CPXM2: variants seen among roughly 807,000 people sequenced by gnomAD.
The protein encoded by CPXM2 is carboxypeptidase X, M14 family member 2, also known as inactive carboxypeptidase-like protein X2.
CPXM2 carries 66 observed loss-of-function variants against 86.1 expected under a neutral mutation model. That is an observed-to-expected ratio of 0.77 (90% CI 0.63 to 0.94). CPXM2 has a LOEUF of 0.94. CPXM2 is among the 40% of genes least tolerant of loss of function. CPXM2 has a pLI of 0.00. For synonymous variants in CPXM2, 388 were observed against 400.2 expected (o/e 0.97, Z 0.36); for missense variants, 948 against 1,026.3 (o/e 0.92, Z 1.04).
At chr10:123,905,552 G>C (rs1197378055) in intron 2 of CPXM2, among the ~76,000 whole-genome samples, 2 of 152,180 alleles carry the variant, frequency 1.3e-5, no homozygotes, top group Non-Finnish European at 2.9e-5. Flanking sequence ...GTCCAGGGCA[G>C]AGGATGCCAA....
intron 6 of CPXM2, among the ~76,000 whole-genome samples, chr10:123,789,972 GCCAGGTGCTGTGGTGAGCACCTGTAGCC>G (rs1590001588): frequency 6.6e-6 from 1 of 152,132 alleles, no homozygotes; most frequent in Non-Finnish European, 1.5e-5. Context: ...CAAAAAATTA[GCCAGGTGCTGTGGTGAGCACCTGTAGCC>G]CCAGCTACTC....
chr10:123,835,981 G>A (rs74162952), intron 4 of CPXM2, among the ~76,000 whole-genome samples: 1,919 of 152,208 alleles, frequency 0.013, 35 homozygotes, highest in African/African-American at 0.044. Flanking sequence ...GCTCCCCGAC[G>A]CCCTGGACCA....
In CPXM2 at chr10:123,871,531, C is replaced by T. The variant is rs548860457; in HGVS notation, c.403+8680G>A. ...TCAGAAATTTTTCCACATCTATGTA[C>T]CACCTGCACTATTATTTCCTTAATG... On this transcript the variant is annotated intron_variant, in intron 2 of 13. Transcript: ENST00000241305. Among the ~76,000 whole-genome samples, 4 of 152,302 alleles carry T rather than the reference C, an allele frequency of 2.6e-5. No homozygotes were observed. The South Asian group carries it at 6.2e-4, about 24-fold the overall frequency.
rs557508000 is a variant in CPXM2, at chr10:123,900,793, G to A, written n.175-20484C>T. ...TTTTATTAAAATGCTTGTGCCAATA[G>A]AGAATATTACATTAACTCAGGACAC... On this transcript the variant is annotated intron_variant and non_coding_transcript_variant, in intron 2 of 19. Transcript: ENST00000368854. 1.2e-4 allele frequency among the ~76,000 whole-genome samples: 19 copies of A among 152,354 alleles called. No homozygotes were observed. In the South Asian group the frequency reaches 2.5e-3, roughly 20 times the overall value.
chr10:123,800,694 T>A (rs1447795763), intron 4 of CPXM2, among the ~76,000 whole-genome samples: 1 of 147,344 alleles, frequency 6.8e-6, no homozygotes, highest in Admixed American at 6.8e-5. Flanking sequence ...AAGAGGGGAG[T>A]AAAGAGAAAA....
At chr10:123,822,540 G>C (rs1847949955) in intron 4 of CPXM2, among the ~76,000 whole-genome samples, 1 of 151,972 alleles carries the variant, frequency 6.6e-6, no homozygotes, top group Non-Finnish European at 1.5e-5. Flanking sequence ...GGGGGTGAGG[G>C]CTAGCTTAAT....
intron 7 of CPXM2, among the ~76,000 whole-genome samples, chr10:123,778,021 G>A (rs1455763167): frequency 6.6e-6 from 1 of 152,140 alleles, no homozygotes; most frequent in African/African-American, 2.4e-5. Context: ...TAGTGTCAAT[G>A]TCAGGACTTT....
intron 2 of CPXM2, among the ~76,000 whole-genome samples, chr10:123,912,703 A>C (rs1231836208): frequency 6.6e-6 from 1 of 152,168 alleles, no homozygotes; most frequent in Non-Finnish European, 1.5e-5. Context: ...TCTGAAAGGC[A>C]CTTAGCTTTT....
chr10:123,785,277 CCT>C (rs1296022399), intron 6 of CPXM2, among the ~76,000 whole-genome samples: 1 of 152,290 alleles, frequency 6.6e-6, no homozygotes, highest in South Asian at 2.1e-4. Context: ...CCTATTTTCC[CCT>C]GAGTTGTCTC....
Position 123,913,421 on chromosome 10 carries a change from G to A in CPXM2, n.174+26056C>T, listed in dbSNP as rs141584396. 8.4e-3 allele frequency among the ~76,000 whole-genome samples: 1,279 copies of A among 152,248 alleles called. 20 individuals are homozygous for A. Among genetic ancestry groups the A allele is most frequent in the African/African-American group, 0.029 (1,215 of 41,520 alleles). On this transcript the variant is annotated intron_variant and non_coding_transcript_variant, in intron 2 of 19. Transcript: ENST00000368854. ...TATTCTTTCCCTAATGATTGTTTAG[G>A]GGGCATTGGCTTGGCAAAAGAGCAC...
In CPXM2 at chr10:123,770,873, C is replaced by A. The variant is rs753936619; in HGVS notation, c.1102+43G>T. On this transcript the variant is annotated intron_variant, in intron 8 of 13. Transcript: ENST00000241305. ...AGTCTCCTAACTGTTTACATGAGTA[C>A]CAAAGATGAAGGGGCCAAGCATCCC... is the stretch of plus-strand genomic sequence containing the variant. 8 of 1,585,574 alleles carry A rather than the reference C, an allele frequency of 5.0e-6. No homozygotes were observed. In the East Asian group the frequency reaches 1.8e-4, roughly 35 times the overall value.
chr10:123,758,243 T>G (rs1299463965), intron 11 of CPXM2, among the ~76,000 whole-genome samples: 1 of 152,084 alleles, frequency 6.6e-6, no homozygotes. Flanking sequence ...CAACAGAAAT[T>G]TATTCTCTCA....
intron 4 of CPXM2, among the ~76,000 whole-genome samples, chr10:123,819,449 C>G (rs534665662): frequency 1.7e-4 from 26 of 152,208 alleles, no homozygotes; most frequent in Non-Finnish European, 3.8e-4. Flanking sequence ...ATACCATCTA[C>G]GACCATGTGA....
At chr10:123,825,271 C>T (rs1208265046) in intron 4 of CPXM2, among the ~76,000 whole-genome samples, 1 of 151,932 alleles carries the variant, frequency 6.6e-6, no homozygotes, top group Non-Finnish European at 1.5e-5. Context: ...GTGAAATGCC[C>T]GTATATAAGG....
chr10:123,915,160 G>T (rs1007783212), intron 2 of CPXM2, among the ~76,000 whole-genome samples: 4 of 152,100 alleles, frequency 2.6e-5, no homozygotes, highest in African/African-American at 9.7e-5. Flanking sequence ...CTGCCTGAAG[G>T]TCCTCGCCCT....
chr10:123,808,731 A>C (rs1044057455), intron 4 of CPXM2, among the ~76,000 whole-genome samples: 1 of 152,212 alleles, frequency 6.6e-6, no homozygotes, highest in African/African-American at 2.4e-5. Flanking sequence ...CATTAAACCC[A>C]TAAGAAAATA....
intron 7 of CPXM2, among the ~76,000 whole-genome samples, chr10:123,778,872 T>C (rs1442683511): frequency 6.6e-6 from 1 of 152,194 alleles, no homozygotes; most frequent in Non-Finnish European, 1.5e-5. Context: ...ACACATTCTC[T>C]TGATTTCTGA....
Position 123,746,933 on chromosome 10 carries a change from T to A in CPXM2, c.2102A>T (p.Lys701Met). 1 of 1,614,218 alleles carries A rather than the reference T, an allele frequency of 6.2e-7. No homozygotes were observed. The highest frequency in any genetic ancestry group is 1.7e-5 in the Admixed American group (1 of 60,032). The change falls in exon 14 of 14, where the codon AAG (lysine) becomes ATG (methionine). Residue 701 changes from lysine (K) to methionine (M), a missense_variant. By Grantham distance (95) the Lys-to-Met change is moderately conservative. Coordinates refer to ENST00000241305, the MANE Select transcript of CPXM2 (RefSeq NM_198148.3). ...CATGTCATAGCCAACCATACAGTTC[T>A]TGGTGGATGCAGTGAAACCTTCGGC... ...AKAEGFTAST[K>M]NCMVGYDMGA...
intron 7 of CPXM2, chr10:123,777,741 AC>A (rs1230520165): frequency 1.3e-5 from 2 of 152,552 alleles, no homozygotes; most frequent in East Asian, 1.9e-4. Flanking sequence ...ATGACAGCTG[AC>A]CCCCTCTGCA....
Sources: gnomAD v4.1 joint callset for allele counts (sites outside exome capture counted in the v4.1 genomes callset) on GRCh38, gnomAD v4.1.1 for gene constraint, MANE v1.5 for transcripts, NCBI Gene and HGNC (gene_info 2026-07-23, HGNC 2026-07-21) for gene names.